The following NIPAL2 variants were observed in gnomAD, a reference collection of about 807,000 sequenced individuals.
NIPAL2 encodes NIPA like domain containing 2.
NIPAL2 carries 43 observed loss-of-function variants against 48.9 expected under a neutral mutation model. The ratio of observed to expected loss-of-function variants is 0.88; its 90% confidence interval spans 0.69 to 1.13. The LOEUF (loss-of-function observed/expected upper bound fraction) is 1.13, where lower values mean the gene tolerates loss of function less well. NIPAL2 is among the 50% of genes most tolerant of loss of function. NIPAL2 has a pLI of 0.00. For missense variants in NIPAL2, 446 were observed against 461.4 expected, an observed-to-expected ratio of 0.97 and a Z score of 0.31; for synonymous variants, 167 against 174.6, an observed-to-expected ratio of 0.96 and a Z score of 0.34.
At chr8:98,260,908 C>G (rs1266423033) in intron 1 of NIPAL2, among the ~76,000 whole-genome samples, 2 of 151,476 alleles carry the variant, frequency 1.3e-5, no homozygotes, top group East Asian at 3.9e-4. Context: ...AGCAGTGGTT[C>G]TCCCAGCACG....
At chr8:98,276,418 T>A (rs1815464882) in intron 1 of NIPAL2, among the ~76,000 whole-genome samples, 1 of 152,246 alleles carries the variant, frequency 6.6e-6, no homozygotes, top group African/African-American at 2.4e-5. Flanking sequence ...TTTCATGGCT[T>A]GATAATATTC....
chr8:98,250,981 C>A (rs892864681), intron 3 of NIPAL2, among the ~76,000 whole-genome samples: 1 of 152,146 alleles, frequency 6.6e-6, no homozygotes, highest in East Asian at 1.9e-4. Context: ...TCTGTGAAAT[C>A]TCTGATCTTT....
At chr8:98,231,589 G>A (rs1812442300) in intron 4 of NIPAL2, among the ~76,000 whole-genome samples, 1 of 152,090 alleles carries the variant, frequency 6.6e-6, no homozygotes, top group African/African-American at 2.4e-5. Flanking sequence ...CCGATTGAAG[G>A]GGAGAGAAAT....
At chr8:98,217,811 G>C (rs1282732935) in intron 5 of NIPAL2, among the ~76,000 whole-genome samples, 1 of 151,914 alleles carries the variant, frequency 6.6e-6, no homozygotes, top group African/African-American at 2.4e-5. Flanking sequence ...TTTCTCTGTG[G>C]CATTTACTTT....
intron 3 of NIPAL2, among the ~76,000 whole-genome samples, chr8:98,249,740 A>AAATATATTAAATATCAT (rs1563522861): frequency 3.4e-5 from 5 of 147,452 alleles, no homozygotes; most frequent in African/African-American, 1.2e-4. Context: ...TTATATTTAC[A>AAATATATTAAATATCAT]TTATTTAATA....
chr8:98,273,951 T>C (rs1815304077), intron 1 of NIPAL2, among the ~76,000 whole-genome samples: 1 of 152,088 alleles, frequency 6.6e-6, no homozygotes, highest in Non-Finnish European at 1.5e-5. Context: ...CTCCATATTA[T>C]TCAAAAGTAT....
chr8:98,229,388 A>T (rs1163838441), intron 4 of NIPAL2, among the ~76,000 whole-genome samples: 1 of 152,186 alleles, frequency 6.6e-6, no homozygotes, highest in Non-Finnish European at 1.5e-5. Context: ...TTTGTTTTAA[A>T]TAGAGACACA....
intron 1 of NIPAL2, among the ~76,000 whole-genome samples, chr8:98,288,382 A>G (rs550208783): frequency 3.1e-4 from 47 of 150,422 alleles, no homozygotes; most frequent in Non-Finnish European, 5.9e-5. Context: ...ATCATTTTTT[A>G]TGGCTGCATA....
rs758404540 is a variant in NIPAL2 at position 98,203,139 on chromosome 8, A to T, written c.849T>A (p.His283Gln). 4.3e-6 allele frequency: 7 copies of T among 1,614,050 alleles called. No homozygotes were observed. The African/African-American group carries it at 6.7e-5, about 15-fold the overall frequency. Residue 283 changes from histidine to glutamine, a missense_variant, in exon 8 of 11, where the codon CAT (histidine) becomes CAA (glutamine). His to Gln is a conservative substitution (Grantham distance 24). Transcript: ENST00000430223. ...TGATGGCACTGATTGTAAAGAAAAT[A>T]TGATTAACTGGCACCACTGTTGTCG... is the stretch of plus-strand genomic sequence containing the variant. Reference protein sequence around the residue: ...YNTTTVVPVNHIFFTISAIIA... With the variant: ...YNTTTVVPVNQIFFTISAIIA...
chr8:98,206,283 A>G (rs1198341648), intron 6 of NIPAL2, among the ~76,000 whole-genome samples: 1 of 151,860 alleles, frequency 6.6e-6, no homozygotes, highest in African/African-American at 2.4e-5. Flanking sequence ...CCTTCATTTT[A>G]TTTGAAAAGG....
chr8:98,236,127 C>T (rs1306871417), intron 4 of NIPAL2, 28 bp downstream of exon 4: 3 of 1,453,820 alleles, frequency 2.1e-6, no homozygotes, highest in African/African-American at 2.8e-5. Context: ...AGCAATGCTA[C>T]AATTACATGA....
chr8:98,191,049 A>G lies in NIPAL2; in HGVS notation c.*1929T>C, dbSNP rs779281493. 1 of 152,238 alleles carries G rather than the reference A, an allele frequency of 6.6e-6. No individual in the cohort carries two copies. Among genetic ancestry groups the G allele is most frequent in the Non-Finnish European group, 1.5e-5 (1 of 68,042 alleles). 9.4% of individuals were successfully genotyped at this position (152,238 alleles called of 1,614,324 possible). The stretch of plus-strand genomic sequence containing the variant: ...TTCTAAAACATTGTTGATTGCTTAA[A>G]TGTGCATAAGTCAATGTCATTTCTC... On this transcript the variant is annotated 3_prime_UTR_variant, in exon 11 of 11. Coordinates refer to ENST00000430223, the MANE Select transcript of NIPAL2 (RefSeq NM_001321635.2).
At chr8:98,230,420 A>G (rs1812386785) in intron 4 of NIPAL2, among the ~76,000 whole-genome samples, 1 of 152,218 alleles carries the variant, frequency 6.6e-6, no homozygotes, top group Non-Finnish European at 1.5e-5. Context: ...TCCCAAGGCA[A>G]ATGTATTTGA....
At position 98,205,289 on chromosome 8, in the gene NIPAL2, G is replaced by T. The variant is rs770240438; in HGVS notation, c.656-43C>A. On this transcript the variant is annotated intron_variant, in intron 6 of 10. Coordinates refer to ENST00000430223, the MANE Select transcript of NIPAL2 (RefSeq NM_001321635.2). ...AAACACAAATAAAGAACATATTTCA[G>T]ATTGAATTAACAAATATCTTAAGCT... 21 of 1,545,374 alleles carry T rather than the reference G, an allele frequency of 1.4e-5. No individual in the cohort carries two copies. The East Asian group carries it at 3.4e-4, about 25-fold the overall frequency.
chr8:98,289,563 C>T (rs1184431168), intron 1 of NIPAL2, among the ~76,000 whole-genome samples: 2 of 150,988 alleles, frequency 1.3e-5, no homozygotes, highest in Admixed American at 6.6e-5. Flanking sequence ...GTTGCCCAGG[C>T]TGGTCTTGAA....
chr8:98,246,872 T>C (rs1417169727), intron 3 of NIPAL2, among the ~76,000 whole-genome samples: 2 of 152,152 alleles, frequency 1.3e-5, no homozygotes, highest in Non-Finnish European at 2.9e-5. Context: ...TGCCGCCCCA[T>C]AGACAAGTTA....
chr8:98,264,409 G>A (rs1254388071), intron 1 of NIPAL2, among the ~76,000 whole-genome samples: 12 of 144,652 alleles, frequency 8.3e-5, no homozygotes, highest in African/African-American at 2.8e-4. Context: ...ATCTCCTTAA[G>A]CTGATAAGCA....
intron 1 of NIPAL2, among the ~76,000 whole-genome samples, chr8:98,280,761 T>TATATATATATATAG: frequency 3.3e-3 from 98 of 30,020 alleles, no homozygotes; most frequent in Non-Finnish European, 3.9e-3. Context: ...TATATATATA[T>TATATATATATATAG]AGAGAGAGAG....
intron 1 of NIPAL2, among the ~76,000 whole-genome samples, chr8:98,287,687 T>C (rs986188908): frequency 1.3e-5 from 2 of 152,238 alleles, no homozygotes; most frequent in South Asian, 2.1e-4. Context: ...TTATCTTATT[T>C]TGTGCCTACA....
Sources: allele counts gnomAD v4.1 joint callset (sites outside exome capture counted in the v4.1 genomes callset), GRCh38; gene constraint gnomAD v4.1.1; transcripts MANE v1.5; gene names NCBI Gene and HGNC (gene_info 2026-07-23, HGNC 2026-07-21).